The following ZNF749 variants were observed in gnomAD, a reference collection of about 807,000 sequenced individuals.
ZNF749 encodes the protein zinc finger protein 749.
In ZNF749, 8 loss-of-function variants were observed where a neutral mutation model predicts 7.3. The ratio of observed to expected loss-of-function variants is 1.10; its 90% confidence interval spans 0.64 to 1.98. The LOEUF (loss-of-function observed/expected upper bound fraction) is 1.98. Ranked by LOEUF, ZNF749 falls within the 30% of genes most tolerant of loss-of-function variation. ZNF749 has a pLI of 0.00. For synonymous variants in ZNF749, 310 were observed against 322.4 expected (o/e 0.96, Z 0.41); for missense variants, 898 against 932.4 (o/e 0.96, Z 0.48).
chr19:57,429,947 G>A, the ZNF749 span, among the ~76,000 whole-genome samples: 1 of 152,156 alleles, frequency 6.6e-6, no homozygotes, highest in South Asian at 2.1e-4. The surrounding 1 kb of genome is among the most constrained non-coding windows in gnomAD (Gnocchi z 4.2). Flanking sequence ...AAACATTTGA[G>A]GTATGGCTTT....
intron 2 of ZNF749, 125 bp from the exon 3 acceptor site, chr19:57,443,166 T>C: frequency 1.2e-6 from 1 of 805,042 alleles, no homozygotes; most frequent in Non-Finnish European, 2.0e-6. Context: ...CTCACTGGCC[T>C]TATTTCCTTG....
At position 57,436,603 on chromosome 19, in the gene ZNF749, G is replaced by C. The variant is rs551946519; in HGVS notation, c.15+1010G>C. ...GTAGTCACTCCACCCTTCTAACTCA[G>C]CTGGCCCTGAGGGCCACTCTTTAGG... is the stretch of plus-strand genomic sequence containing the variant. On this transcript the variant is annotated intron_variant, in intron 1 of 2. Coordinates refer to ENST00000334181, the MANE Select transcript of ZNF749 (RefSeq NM_001023561.4). This position sits in a 1 kb window ranked among gnomAD's most constrained non-coding sequence, Gnocchi z 4.0. Among the ~76,000 whole-genome samples, 4 of 152,332 alleles carry C rather than the reference G, an allele frequency of 2.6e-5. No homozygotes were observed. In the East Asian group the frequency reaches 7.7e-4, roughly 29 times the overall value.
At position 57,443,417 on chromosome 19, in the gene ZNF749, G is replaced by A; in HGVS notation, c.269G>A (p.Ser90Asn). 1.2e-6 allele frequency: 2 copies of A among 1,614,256 alleles called. No individual in the cohort carries two copies. Residue 90 changes from serine to asparagine, a missense_variant, in exon 3 of 3, where the codon AGC (serine) becomes AAC (asparagine). By Grantham distance (46) the Ser-to-Asn change is conservative. Coordinates refer to ENST00000334181, the MANE Select transcript of ZNF749 (RefSeq NM_001023561.4). ...AAGGCCCAGCCCTGCAAGATGTGTA[G>A]CTCAATTCTGAAGGACATTCTGCAC... The part of the protein sequence containing the change: ...TLKAQPCKMC[S>N]SILKDILHLA...
In ZNF749 at chr19:57,442,136, G is replaced by A; in HGVS notation, c.142+125G>A. The A allele has an allele frequency of 7.6e-7, 1 of 1,323,632 alleles. No homozygotes were observed. The highest frequency in any genetic ancestry group is 2.4e-5 in the East Asian group (1 of 42,542). 82.0% of individuals were successfully genotyped at this position (1,323,632 alleles called of 1,614,324 possible). On this transcript the variant is annotated intron_variant, in intron 2 of 2. Coordinates refer to ENST00000334181, the MANE Select transcript of ZNF749 (RefSeq NM_001023561.4). This position sits in a 1 kb window ranked among gnomAD's most constrained non-coding sequence, Gnocchi z 6.6. ...ACGTCCTGTCCTCTCCTGGTTTCCTGGCAAATGTGATAAGGCAGCCAGAGC... is the reference window on the plus strand; with the variant it reads ...ACGTCCTGTCCTCTCCTGGTTTCCTAGCAAATGTGATAAGGCAGCCAGAGC...
rs1184947305 is a variant in ZNF749, at chr19:57,445,409, G to A, written c.2261G>A (p.Gly754Asp). 2 of 1,613,984 alleles carry A rather than the reference G, an allele frequency of 1.2e-6. No individual in the cohort carries two copies. Among genetic ancestry groups the A allele is most frequent in the Non-Finnish European group, 8.5e-7 (1 of 1,179,874 alleles). Residue 754 changes from glycine (G) to aspartate (D), a missense_variant, in exon 3 of 3, where the codon GGT (glycine) becomes GAT (aspartate). Gly to Asp is a moderately conservative substitution (Grantham distance 94). Coordinates refer to ENST00000334181, the MANE Select transcript of ZNF749 (RefSeq NM_001023561.4). Reference protein sequence around the residue: ...THTGERSYECGESSKVFKYNS... With the variant: ...THTGERSYECDESSKVFKYNS... ...ACTGGAGAAAGGTCTTATGAGTGTG[G>A]TGAATCCAGCAAAGTGTTTAAATAC...
rs1212765958 is a variant in ZNF749, at chr19:57,441,985, A to T, written c.116A>T (p.Glu39Val). Residue 39 changes from glutamate (E) to valine (V), a missense_variant, in exon 2 of 3, where the codon GAG becomes GTG. Coordinates refer to ENST00000334181, the MANE Select transcript of ZNF749 (RefSeq NM_001023561.4). ...CACCTGCACAGCAATGTGATGTTGG[A>T]GAACTTTGCGCTTTTGTCATCAGTA... is the stretch of plus-strand genomic sequence containing the variant. ...QRHLHSNVML[E>V]NFALLSSVGC... 1.2e-6 allele frequency: 2 copies of T among 1,614,094 alleles called. No homozygotes were observed. The highest frequency in any genetic ancestry group is 1.7e-6 in the Non-Finnish European group (2 of 1,180,000).
Position 57,442,447 on chromosome 19 carries a change from G to A in ZNF749, c.142+436G>A, listed in dbSNP as rs144083233. ...GATTGTGAAGTTATTTCTGCAGGAC[G>A]CTCTACTGGGTGTTCTGGTAGCTTT... On this transcript the variant is annotated intron_variant, in intron 2 of 2. Transcript: ENST00000334181. The surrounding 1 kb of genome is among the most constrained non-coding windows in gnomAD (Gnocchi z 6.6). 1.9e-4 allele frequency among the ~76,000 whole-genome samples: 29 copies of A among 152,290 alleles called. No individual in the cohort carries two copies. Among genetic ancestry groups the A allele is most frequent in the Non-Finnish European group, 3.2e-4 (22 of 68,030 alleles).
chr19:57,443,528 G>C lies in ZNF749; in HGVS notation c.380G>C (p.Arg127Thr), dbSNP rs923410189. ...EHDLHQKEQI[R>T]EKLTRSDEWR... ...GACCTGCACCAAAAGGAGCAGATTAGAGAGAAGCTCACCAGAAGTGATGAG... is the reference window on the plus strand; with the variant it reads ...GACCTGCACCAAAAGGAGCAGATTACAGAGAAGCTCACCAGAAGTGATGAG... The change falls in exon 3 of 3, where the codon AGA becomes ACA. Residue 127 changes from arginine to threonine, a missense_variant. Coordinates refer to ENST00000334181, the MANE Select transcript of ZNF749 (RefSeq NM_001023561.4). The C allele has an allele frequency of 3.7e-6, 6 of 1,614,242 alleles. No individual in the cohort carries two copies. The highest frequency in any genetic ancestry group is 3.4e-6 in the Non-Finnish European group (4 of 1,180,036).
At position 57,442,065 on chromosome 19, in the gene ZNF749, C is replaced by A; in HGVS notation, c.142+54C>A. On this transcript the variant is annotated intron_variant, in intron 2 of 2. Coordinates refer to ENST00000334181, the MANE Select transcript of ZNF749 (RefSeq NM_001023561.4). The surrounding 1 kb of genome is among the most constrained non-coding windows in gnomAD (Gnocchi z 6.6). ...TTGTGCTGGGTGCTGTTTTTTTGCTCTTTTCCATGACAACTCTGTCTTTCC... is the reference window on the plus strand; with the variant it reads ...TTGTGCTGGGTGCTGTTTTTTTGCTATTTTCCATGACAACTCTGTCTTTCC... The A allele has an allele frequency of 1.3e-6, 2 of 1,592,470 alleles. No individual in the cohort carries two copies. The highest frequency in any genetic ancestry group is 8.6e-7 in the Non-Finnish European group (1 of 1,168,730).
rs1360760136 is a variant in ZNF749 at position 57,443,687 on chromosome 19, A to T, written c.539A>T (p.Tyr180Phe). 43 of 1,614,120 alleles carry T rather than the reference A, an allele frequency of 2.7e-5. No homozygotes were observed. The highest frequency in any genetic ancestry group is 3.4e-5 in the Non-Finnish European group (40 of 1,179,954). The change falls in exon 3 of 3, where the codon TAC (tyrosine) becomes TTC (phenylalanine). Residue 180 changes from tyrosine to phenylalanine, a missense_variant. Coordinates refer to ENST00000334181, the MANE Select transcript of ZNF749 (RefSeq NM_001023561.4). ...QQVLNSGWKLYRDTQDGEAFQ... is the reference protein window; with the variant it reads ...QQVLNSGWKLFRDTQDGEAFQ... ...GTCTTAAACAGTGGGTGGAAGCTGT[A>T]CAGGGATACCCAGGATGGGGAAGCC... is the stretch of plus-strand genomic sequence containing the variant.
the ZNF749 span, among the ~76,000 whole-genome samples, chr19:57,430,293 A>G: frequency 7.2e-5 from 11 of 152,216 alleles, no homozygotes; most frequent in Admixed American, 5.2e-4. Context: ...ATCAAATGGT[A>G]GAAGAGCAAA....
upstream of ZNF749, among the ~76,000 whole-genome samples, chr19:57,432,167 A>G (rs2088901978): frequency 6.6e-6 from 1 of 151,920 alleles, no homozygotes; most frequent in Non-Finnish European, 1.5e-5. Flanking sequence ...TATCCTCTTC[A>G]TGACAATGCT....
upstream of ZNF749, among the ~76,000 whole-genome samples, chr19:57,434,529 G>T (rs893832169): frequency 1.3e-5 from 2 of 151,712 alleles, no homozygotes; most frequent in South Asian, 2.1e-4. Context: ...TTCCAGTTGC[G>T]CCTTTCCAGA....
intron 1 of ZNF749, among the ~76,000 whole-genome samples, chr19:57,438,944 G>T (rs575590883): frequency 6.6e-6 from 1 of 152,298 alleles, no homozygotes; most frequent in African/African-American, 2.4e-5. Context: ...AATCCATGTT[G>T]TATCTGGTCG....
Position 57,443,550 on chromosome 19 carries a change from T to C in ZNF749, c.402T>C (p.Asp134=). The C allele has an allele frequency of 6.2e-7, 1 of 1,614,212 alleles. No homozygotes were observed. Among genetic ancestry groups the C allele is most frequent in the Non-Finnish European group, 8.5e-7 (1 of 1,180,028 alleles). ...EQIREKLTRS[D]EWRPSFVNHS... ...TTAGAGAGAAGCTCACCAGAAGTGA[T>C]GAGTGGAGGCCTTCATTTGTGAACC... is the stretch of plus-strand genomic sequence containing the variant. The change falls in exon 3 of 3, where the codon GAT becomes GAC. Residue 134 remains aspartate, a synonymous_variant. Transcript: ENST00000334181.
At chr19:57,433,355 G>C (rs1319124467), upstream of ZNF749, among the ~76,000 whole-genome samples, 1 of 152,100 alleles carries the variant, frequency 6.6e-6, no homozygotes, top group Non-Finnish European at 1.5e-5. Context: ...ATTCTGACTT[G>C]GGAGTGGTTA....
chr19:57,441,932 A>G lies in ZNF749; in HGVS notation c.63A>G (p.Glu21=). ...TGGCCATATATTTCTCCCAAGAGGAATGGGGGATCCTTAATGATGCTCAGA... is the reference window on the plus strand; with the variant it reads ...TGGCCATATATTTCTCCCAAGAGGAGTGGGGGATCCTTAATGATGCTCAGA... ...EDVAIYFSQE[E]WGILNDAQRH... Residue 21 remains glutamate, a synonymous_variant, in exon 2 of 3, where the codon GAA becomes GAG. Transcript: ENST00000334181. The G allele has an allele frequency of 6.2e-7, 1 of 1,614,066 alleles. No individual in the cohort carries two copies. The highest frequency in any genetic ancestry group is 8.5e-7 in the Non-Finnish European group (1 of 1,179,950).
Position 57,445,388 on chromosome 19 carries a change from G to C in ZNF749, c.2240G>C (p.Gly747Ala). The C allele has an allele frequency of 6.2e-7, 1 of 1,613,974 alleles. No individual in the cohort carries two copies. The highest frequency in any genetic ancestry group is 1.1e-5 in the South Asian group (1 of 91,082). ...NTGQRQKTHT[G>A]ERSYECGESS... ...GGTCAGCGCCAAAAAACTCACACTGGAGAAAGGTCTTATGAGTGTGGTGAA... is the reference window on the plus strand; with the variant it reads ...GGTCAGCGCCAAAAAACTCACACTGCAGAAAGGTCTTATGAGTGTGGTGAA... The change falls in exon 3 of 3, where the codon GGA (glycine) becomes GCA (alanine). Residue 747 changes from glycine (G) to alanine (A), a missense_variant. Physicochemically the swap from Gly to Ala is moderately conservative, Grantham distance 60. Transcript: ENST00000334181.
chr19:57,435,909 G>A (rs946519801), intron 1 of ZNF749, among the ~76,000 whole-genome samples: 2 of 152,258 alleles, frequency 1.3e-5, no homozygotes, highest in South Asian at 4.1e-4. Context: ...GGCTGTGCAG[G>A]GAGGACGAAT....
Sources: allele counts gnomAD v4.1 joint callset (sites outside exome capture counted in the v4.1 genomes callset), GRCh38; gene constraint gnomAD v4.1.1; non-coding constraint Gnocchi (gnomAD v3.1); transcripts MANE v1.5; gene names NCBI Gene and HGNC (gene_info 2026-07-23, HGNC 2026-07-21).